Variants in CLASP2 observed in about 807,000 individuals in gnomAD.
CLASP2 encodes the protein CLIP-associating protein 2.
CLASP2 carries 47 observed loss-of-function variants against 194.4 expected under a neutral mutation model. The ratio of observed to expected loss-of-function variants is 0.24; its 90% CI spans 0.19 to 0.31. The LOEUF (loss-of-function observed/expected upper bound fraction) is 0.31. Ranked by LOEUF, CLASP2 falls within the 10% of genes least tolerant of loss-of-function variation. The pLI, the probability that CLASP2 is intolerant of heterozygous loss-of-function variation, is 1.00. For synonymous variants in CLASP2, 619 were observed against 633.5 expected (o/e 0.98, Z 0.34); for missense variants, 1,445 against 1,823.6 (o/e 0.79, Z 3.78).
intron 24 of CLASP2, chr3:33,574,553 A>T: frequency 9.2e-7 from 1 of 1,085,680 alleles, no homozygotes; most frequent in Non-Finnish European, 1.3e-6. Context: ...ACATTTTGCT[A>T]ATCAGCACAG....
intron 23 of CLASP2, among the ~76,000 whole-genome samples, chr3:33,580,149 G>C (rs1237435122): frequency 6.6e-6 from 1 of 152,166 alleles, no homozygotes; most frequent in African/African-American, 2.4e-5. Flanking sequence ...CCTGGGGCTG[G>C]AACACAAACA....
intron 32 of CLASP2, among the ~76,000 whole-genome samples, chr3:33,542,656 AATTC>A (rs1455377244): frequency 6.7e-6 from 1 of 149,852 alleles, no homozygotes; most frequent in Non-Finnish European, 1.5e-5. Context: ...ACATATATGT[AATTC>A]ATTATATATG....
chr3:33,511,181 C>T (rs888962829), intron 36 of CLASP2, among the ~76,000 whole-genome samples: 1 of 151,898 alleles, frequency 6.6e-6, no homozygotes, highest in Admixed American at 6.6e-5. Flanking sequence ...TACAGGCATG[C>T]ACCATCATGC....
At chr3:33,651,967 A>T (rs1012459500) in intron 7 of CLASP2, among the ~76,000 whole-genome samples, 3 of 151,966 alleles carry the variant, frequency 2.0e-5, no homozygotes, top group Non-Finnish European at 4.4e-5. Flanking sequence ...CCTCCACTTC[A>T]CTTTTATGGG....
At chr3:33,688,873 T>C (rs530279405) in intron 3 of CLASP2, among the ~76,000 whole-genome samples, 5 of 152,302 alleles carry the variant, frequency 3.3e-5, no homozygotes, top group South Asian at 4.1e-4. Flanking sequence ...ATTCATTTTA[T>C]AGCTACCTAC....
chr3:33,546,364 C>A (rs573404033), intron 30 of CLASP2, among the ~76,000 whole-genome samples: 13 of 152,292 alleles, frequency 8.5e-5, no homozygotes, highest in Non-Finnish European at 1.5e-4. Context: ...CACCACATGA[C>A]TTAAAATACT....
intron 18 of CLASP2, among the ~76,000 whole-genome samples, chr3:33,602,186 G>A (rs576730524): frequency 2.0e-5 from 3 of 152,054 alleles, no homozygotes; most frequent in Non-Finnish European, 4.4e-5. Context: ...GCTAAGTTTT[G>A]CATTTTTAGT....
intron 12 of CLASP2, among the ~76,000 whole-genome samples, chr3:33,619,331 CAT>C (rs2076739738): frequency 2.0e-5 from 3 of 152,230 alleles, no homozygotes; most frequent in African/African-American, 7.2e-5. Flanking sequence ...ACTGTAGATA[CAT>C]ATATGTACTC....
At chr3:33,684,740 C>T (rs559639712) in intron 5 of CLASP2, among the ~76,000 whole-genome samples, 152 of 152,244 alleles carry the variant, frequency 1.0e-3, no homozygotes, top group African/African-American at 3.4e-3. Flanking sequence ...TGGCTCATGC[C>T]TGTAATCCCA....
chr3:33,517,109 G>A lies in CLASP2; in HGVS notation c.3853C>T (p.Arg1285Cys), dbSNP rs1559820490. 8.1e-6 allele frequency: 13 copies of A among 1,613,284 alleles called. No individual in the cohort carries two copies. The highest frequency in any genetic ancestry group is 2.7e-5 in the African/African-American group (2 of 74,858). ...AGGGCAATTTTTCTTTCTTCTACAC[G>A]CTCATTATGGTTAGACAGCTCCTTC... ...LLKELSNHNERVEERKIALYE... is the reference protein window; with the variant it reads ...LLKELSNHNECVEERKIALYE... Residue 1285 changes from arginine to cysteine, a missense_variant, in exon 35 of 39, where the codon CGT (arginine) becomes TGT (cysteine). Arg to Cys is a radical substitution (Grantham distance 180, BLOSUM62 -3). Around this residue, in one of 4 missense-constraint regions of CLASP2, gnomAD observed 732 missense variants for 987.9 expected, o/e 0.74. Coordinates refer to ENST00000682230, the MANE Select transcript of CLASP2 (RefSeq NM_001365631.1).
intron 31 of CLASP2, among the ~76,000 whole-genome samples, chr3:33,544,298 A>C (rs1490024574): frequency 1.3e-5 from 2 of 152,206 alleles, no homozygotes; most frequent in East Asian, 1.9e-4. Flanking sequence ...CACACTTCTT[A>C]AAGCACTACC....
intron 32 of CLASP2, among the ~76,000 whole-genome samples, chr3:33,540,373 A>C (rs1488780404): frequency 1.3e-5 from 2 of 151,672 alleles, no homozygotes; most frequent in Non-Finnish European, 2.9e-5. Context: ...AGTTGCTAGG[A>C]CTACAAACAC....
chr3:33,528,815 A>G (rs1054842385), intron 34 of CLASP2, among the ~76,000 whole-genome samples: 1 of 152,062 alleles, frequency 6.6e-6, no homozygotes, highest in Non-Finnish European at 1.5e-5. Flanking sequence ...AGGAAGAAAG[A>G]AAGAGAGAAA....
chr3:33,536,227 G>C (rs1194367547), intron 33 of CLASP2, among the ~76,000 whole-genome samples: 1 of 149,494 alleles, frequency 6.7e-6, no homozygotes, highest in African/African-American at 2.5e-5. Context: ...TACCCCAGTG[G>C]AGTTTATATT....
At chr3:33,654,551 A>C (rs1301321926) in intron 7 of CLASP2, among the ~76,000 whole-genome samples, 1 of 152,200 alleles carries the variant, frequency 6.6e-6, no homozygotes, top group Non-Finnish European at 1.5e-5. Context: ...GACTAAACTA[A>C]TAAAGGGGAA....
At chr3:33,524,256 T>A (rs2053900999) in intron 34 of CLASP2, among the ~76,000 whole-genome samples, 2 of 152,094 alleles carry the variant, frequency 1.3e-5, no homozygotes, top group African/African-American at 4.8e-5. Flanking sequence ...TCAATAATAG[T>A]AAAACTATTA....
chr3:33,548,763 C>CTTTTTTT (rs57112524), intron 30 of CLASP2, among the ~76,000 whole-genome samples: 165 of 93,078 alleles, frequency 1.8e-3, no homozygotes, highest in African/African-American at 2.1e-3. Context: ...GGTTTCATTT[C>CTTTTTTT]TTTTTTTTTT....
In CLASP2 at chr3:33,718,100, C is replaced by T; in HGVS notation, c.-98G>A. The T allele has an allele frequency of 8.0e-7, 1 of 1,250,698 alleles. No homozygotes were observed. The allele number at this position is 1,250,698 out of a possible 1,614,324, so 77.5% of individuals were successfully genotyped here. A position where few individuals can be genotyped will look rare whatever the true frequency, so the allele number is the denominator to read the frequency against. Reference sequence around the variant, plus strand: ...CGGGTCCCCGCGGGAGCGGGCGGGACTCACTTAGCCCGCCAGGGGCGCGGC... The same window carrying T: ...CGGGTCCCCGCGGGAGCGGGCGGGATTCACTTAGCCCGCCAGGGGCGCGGC... On this transcript the variant is annotated 5_prime_UTR_variant, in exon 1 of 39. Coordinates refer to ENST00000682230, the MANE Select transcript of CLASP2 (RefSeq NM_001365631.1).
At chr3:33,574,309 T>G (rs2064368498) in intron 24 of CLASP2, among the ~76,000 whole-genome samples, 1 of 152,108 alleles carries the variant, frequency 6.6e-6, no homozygotes, top group Non-Finnish European at 1.5e-5. Context: ...AGGACATTAT[T>G]CAAGCAGTAT....
Sources: gnomAD v4.1 joint callset for allele counts (sites outside exome capture counted in the v4.1 genomes callset) on GRCh38, gnomAD v4.1.1 for gene constraint, gnomAD v4.1.1 regional missense constraint, MANE v1.5 for transcripts, NCBI Gene and HGNC (gene_info 2026-07-23, HGNC 2026-07-21) for gene names.